Variants in SPAG1 observed in about 807,000 individuals in gnomAD.
The protein encoded by SPAG1 is sperm associated antigen 1.
In SPAG1, 69 loss-of-function variants were observed where a neutral mutation model predicts 100.5. The observed-to-expected ratio is 0.69, with a 90% CI of 0.57 to 0.84. SPAG1 has a LOEUF of 0.84. Ranked by LOEUF, SPAG1 falls within the 40% of genes least tolerant of loss-of-function variation. The probability of loss-of-function intolerance (pLI) is 0.00; values close to 1 mark genes in which losing one functional copy is unlikely to be tolerated. For synonymous variants in SPAG1, 336 were observed against 411.6 expected, an observed-to-expected ratio of 0.82 and a Z score of 2.22; for missense variants, 955 against 1,133.1, an observed-to-expected ratio of 0.84 and a Z score of 2.26.
At chr8:100,160,095 T>C (rs1586374414) in intron 1 of SPAG1, among the ~76,000 whole-genome samples, 1 of 152,324 alleles carries the variant, frequency 6.6e-6, no homozygotes, top group Non-Finnish European at 1.5e-5. Context: ...TAGCACACAT[T>C]AAGAACTATA....
In SPAG1 at chr8:100,165,607, C is replaced by T. The variant is rs74370304; in HGVS notation, c.141-207C>T. The T allele has an allele frequency of 0.015, 7,424 of 492,668 alleles. 84 individuals are homozygous for T. The highest frequency in any genetic ancestry group is 0.022 in the Non-Finnish European group (6,256 of 280,062). 30.5% of individuals were successfully genotyped at this position (492,668 alleles called of 1,614,324 possible). A position where few individuals can be genotyped will look rare whatever the true frequency, so the allele number is the denominator to read the frequency against. On this transcript the variant is annotated intron_variant, in intron 2 of 18. Coordinates refer to ENST00000388798, the MANE Select transcript of SPAG1 (RefSeq NM_003114.5). ...TAAAGTGTGTGATGAAAATTGGTTA[C>T]TTTGGAGTTCCTTTTTTTCTTCTTT...
At chr8:100,232,073 C>T (rs961100574) in intron 15 of SPAG1, among the ~76,000 whole-genome samples, 3 of 152,222 alleles carry the variant, frequency 2.0e-5, no homozygotes, top group South Asian at 2.1e-4. Context: ...GATTGTTGCT[C>T]AGGTACCGTC....
intron 10 of SPAG1, 38 bp downstream of exon 10, chr8:100,194,306 G>A (rs368421370): frequency 1.4e-5 from 22 of 1,587,522 alleles, no homozygotes; most frequent in African/African-American, 1.1e-4. Context: ...GTAAAAAGCT[G>A]CCTTTTAATA....
chr8:100,197,593 G>C (rs1225598041), intron 10 of SPAG1, among the ~76,000 whole-genome samples: 2 of 152,170 alleles, frequency 1.3e-5, no homozygotes, highest in African/African-American at 4.8e-5. Flanking sequence ...CCAGAGGAAA[G>C]TTATCAAGTT....
At chr8:100,183,837 C>A in intron 5 of SPAG1, 119 bp from the exon 6 acceptor site, 1 of 573,716 alleles carries the variant, frequency 1.7e-6, no homozygotes, top group Non-Finnish European at 3.1e-6. Context: ...TATTAACTTA[C>A]TACATATTTT....
At chr8:100,218,472 A>G (rs1818112431) in intron 12 of SPAG1, among the ~76,000 whole-genome samples, 1 of 152,224 alleles carries the variant, frequency 6.6e-6, no homozygotes, top group Admixed American at 6.5e-5. Flanking sequence ...CATAGAGTTA[A>G]TATTACCTAA....
chr8:100,166,512 C>T (rs530526910), intron 3 of SPAG1, among the ~76,000 whole-genome samples: 1 of 152,200 alleles, frequency 6.6e-6, no homozygotes, highest in Non-Finnish European at 1.5e-5. Flanking sequence ...CCACCTCGGC[C>T]TCCCAAAGTG....
At chr8:100,189,407 G>T (rs1044762294) in intron 8 of SPAG1, among the ~76,000 whole-genome samples, 1 of 152,132 alleles carries the variant, frequency 6.6e-6, no homozygotes, top group Non-Finnish European at 1.5e-5. Context: ...AACCCAGGAG[G>T]CAGAGGTTGC....
At chr8:100,195,088 C>T (rs1054916343) in intron 10 of SPAG1, among the ~76,000 whole-genome samples, 3 of 151,432 alleles carry the variant, frequency 2.0e-5, no homozygotes, top group Admixed American at 6.6e-5. Flanking sequence ...TGGCTTAAAC[C>T]CGGGAGGCGG....
intron 16 of SPAG1, 86 bp downstream of exon 16, chr8:100,233,623 A>G (rs1818877378): frequency 7.4e-7 from 1 of 1,354,002 alleles, no homozygotes; most frequent in South Asian, 1.3e-5. Flanking sequence ...AGATCTTGGG[A>G]TGGGATTGAG....
chr8:100,190,663 C>CTTTTTT, intron 8 of SPAG1, among the ~76,000 whole-genome samples: 1 of 111,800 alleles, frequency 8.9e-6, no homozygotes, highest in Non-Finnish European at 1.8e-5. Context: ...CTTTTTTTTT[C>CTTTTTT]TTTTTTTTTT....
chr8:100,158,827 AAAAAAGAG>A (rs1679034959), intron 1 of SPAG1: 2 of 152,226 alleles, frequency 1.3e-5, no homozygotes, highest in South Asian at 4.2e-4. Flanking sequence ...GAAAGAAAGA[AAAAAAGAG>A]AATCCTTTTT....
Position 100,220,406 on chromosome 8 carries a change from C to CAGCT in SPAG1, c.1667_1670dup (p.Asn558SerfsTer3). ...AGTGTTGCAGATAGACTGTGGACTC[C>CAGCT]AGCTAGCAAATGACAGTGTTAACAG... is the stretch of plus-strand genomic sequence containing the variant. On this transcript the variant is annotated frameshift_variant, in exon 13 of 19. Transcript: ENST00000388798. LOFTEE classifies it high-confidence loss of function. 1 of 1,613,182 alleles carries CAGCT rather than the reference C, an allele frequency of 6.2e-7. No individual in the cohort carries two copies. The highest frequency in any genetic ancestry group is 8.5e-7 in the Non-Finnish European group (1 of 1,179,688).
chr8:100,189,327 A>G (rs899880035), intron 8 of SPAG1, among the ~76,000 whole-genome samples: 2 of 152,146 alleles, frequency 1.3e-5, no homozygotes, highest in African/African-American at 4.8e-5. Context: ...AACACAAAAA[A>G]TTAGCTGGGC....
rs772638023 is a variant in SPAG1, at chr8:100,239,330, A to G, written c.2206A>G (p.Arg736Gly). ...EAKMELEEVT[R>G]LLNLKDKTAP... Reference sequence around the variant, plus strand: ...AAAGATGGAACTGGAAGAGGTAACTAGACTCCTTAATCTTAAGGATAAGAC... The same window carrying G: ...AAAGATGGAACTGGAAGAGGTAACTGGACTCCTTAATCTTAAGGATAAGAC... Residue 736 changes from arginine to glycine, a missense_variant, in exon 17 of 19, where the codon AGA becomes GGA. Transcript: ENST00000388798. This position sits in a 1 kb window ranked among gnomAD's most constrained non-coding sequence, Gnocchi z 5.0. 6.3e-6 allele frequency: 10 copies of G among 1,584,280 alleles called. No homozygotes were observed. Among genetic ancestry groups the G allele is most frequent in the Non-Finnish European group, 4.3e-6 (5 of 1,162,928 alleles).
At chr8:100,218,243 T>C (rs184001046) in intron 12 of SPAG1, among the ~76,000 whole-genome samples, 10 of 152,368 alleles carry the variant, frequency 6.6e-5, no homozygotes, top group Admixed American at 3.9e-4. Context: ...TGGGTGGTTT[T>C]TTTCCTTAAT....
chr8:100,193,997 A>C, intron 9 of SPAG1, 115 bp from the exon 10 acceptor site: 1 of 923,570 alleles, frequency 1.1e-6, no homozygotes, highest in South Asian at 3.5e-5. Context: ...CACCAAAAAA[A>C]AGCCTTGTCT....
chr8:100,171,990 G>A (rs1348128940), intron 3 of SPAG1, among the ~76,000 whole-genome samples: 1 of 151,836 alleles, frequency 6.6e-6, no homozygotes, highest in East Asian at 1.9e-4. Flanking sequence ...TGCCTCTCCA[G>A]TTCAAGTGAT....
intron 14 of SPAG1, among the ~76,000 whole-genome samples, chr8:100,227,990 G>A (rs541889024): frequency 1.3e-4 from 20 of 151,964 alleles, no homozygotes; most frequent in Admixed American, 4.6e-4. Flanking sequence ...GACTACAGGT[G>A]TGTGCCACCG....
Sources: allele counts gnomAD v4.1 joint callset (sites outside exome capture counted in the v4.1 genomes callset), GRCh38; gene constraint gnomAD v4.1.1; non-coding constraint Gnocchi (gnomAD v3.1); transcripts MANE v1.5; gene names NCBI Gene and HGNC (gene_info 2026-07-23, HGNC 2026-07-21).